Variants in APBA1 observed in about 807,000 individuals in gnomAD.
The protein encoded by APBA1 is amyloid-beta A4 precursor protein-binding family A member 1.
A neutral mutation model predicts 86.6 loss-of-function variants in APBA1; 55 were observed. That is an observed-to-expected ratio of 0.64 (90% CI 0.51 to 0.80). The LOEUF is 0.80. APBA1 is among the 30% of genes least tolerant of loss of function. The pLI is 0.00. For missense variants in APBA1, 1,090 were observed against 1,183.0 expected (o/e 0.92, Z 1.15); for synonymous variants, 511 against 493.9 (o/e 1.03, Z -0.46).
intron 1 of APBA1, among the ~76,000 whole-genome samples, chr9:69,662,044 ACAC>A (rs776722895): frequency 6.6e-6 from 1 of 151,878 alleles, no homozygotes; most frequent in Non-Finnish European, 1.5e-5. Flanking sequence ...ACACACACAC[ACAC>A]ACACACACAG....
intron 1 of APBA1, among the ~76,000 whole-genome samples, chr9:69,595,435 C>T (rs896804059): frequency 6.6e-6 from 1 of 152,150 alleles, no homozygotes; most frequent in Non-Finnish European, 1.5e-5. Flanking sequence ...CTGAGATTGT[C>T]TGGTGCCCCC....
At chr9:69,539,653 C>T (rs1836572577) in intron 1 of APBA1, among the ~76,000 whole-genome samples, 1 of 152,324 alleles carries the variant, frequency 6.6e-6, no homozygotes, top group South Asian at 2.1e-4. Context: ...GCACCTCTCA[C>T]CTCAGCGTCT....
intron 1 of APBA1, among the ~76,000 whole-genome samples, chr9:69,550,841 GAGCATC>G (rs1686379493): frequency 6.6e-6 from 1 of 152,044 alleles, no homozygotes; most frequent in Non-Finnish European, 1.5e-5. Flanking sequence ...GAGCAAAGAG[GAGCATC>G]ATACAGTCCT....
At chr9:69,587,099 G>T (rs1405834033) in intron 1 of APBA1, among the ~76,000 whole-genome samples, 1 of 152,024 alleles carries the variant, frequency 6.6e-6, no homozygotes, top group Admixed American at 6.6e-5. Context: ...TTTGCCACTG[G>T]CATCCATTCA....
At chr9:69,604,689 C>A (rs1419497170) in intron 1 of APBA1, among the ~76,000 whole-genome samples, 1 of 123,518 alleles carries the variant, frequency 8.1e-6, no homozygotes, top group African/African-American at 3.7e-5. Flanking sequence ...AGCATGGGCA[C>A]ACATGCACGC....
intron 1 of APBA1, among the ~76,000 whole-genome samples, chr9:69,547,872 G>A (rs1277485945): frequency 6.6e-6 from 1 of 152,182 alleles, no homozygotes; most frequent in Admixed American, 6.5e-5. Context: ...CAAGAGATGG[G>A]TTCAGTGGTG....
At position 69,476,129 on chromosome 9, in the gene APBA1, G is replaced by A; in HGVS notation, c.1215C>T (p.Gly405=). ...RPMDGDSPSP[G]SSSPLGAESS... is the part of the protein sequence containing the mutation. ...ACTCTGCACCCAAGGGGGAGGAGCT[G>A]CCAGGAGACGGAGACTAGAACACAG... The change falls in exon 3 of 13, where the codon GGC becomes GGT. Residue 405 remains glycine, a synonymous_variant. Transcript: ENST00000265381. The A allele has an allele frequency of 6.2e-7, 1 of 1,613,570 alleles. No homozygotes were observed. Among genetic ancestry groups the A allele is most frequent in the Admixed American group, 1.7e-5 (1 of 59,976 alleles).
chr9:69,490,738 G>T (rs916081343), intron 2 of APBA1, among the ~76,000 whole-genome samples: 4 of 151,932 alleles, frequency 2.6e-5, no homozygotes, highest in African/African-American at 2.4e-5. Context: ...AGTCTACAAA[G>T]AACTCAAACA....
intron 1 of APBA1, among the ~76,000 whole-genome samples, chr9:69,517,810 C>A (rs751649688): frequency 6.6e-6 from 1 of 152,174 alleles, no homozygotes; most frequent in Non-Finnish European, 1.5e-5. Flanking sequence ...TGACCTCAGG[C>A]AAGTGGCTTA....
intron 2 of APBA1, among the ~76,000 whole-genome samples, chr9:69,515,439 T>C (rs1435279792): frequency 6.6e-6 from 1 of 152,022 alleles, no homozygotes; most frequent in Non-Finnish European, 1.5e-5. Context: ...ACCCTATTCT[T>C]TCTACTTGGC....
At chr9:69,482,146 C>T (rs1304527552) in intron 2 of APBA1, among the ~76,000 whole-genome samples, 1 of 151,978 alleles carries the variant, frequency 6.6e-6, no homozygotes, top group Non-Finnish European at 1.5e-5. Flanking sequence ...TAAAGAGCTT[C>T]TGCACAGCAA....
At chr9:69,656,883 G>C (rs1823623187) in intron 1 of APBA1, among the ~76,000 whole-genome samples, 1 of 140,968 alleles carries the variant, frequency 7.1e-6, no homozygotes, top group African/African-American at 2.7e-5. Context: ...CTGTCGCCCA[G>C]GCCGGACTGC....
chr9:69,638,443 G>A (rs1823222596), intron 1 of APBA1, among the ~76,000 whole-genome samples: 1 of 152,132 alleles, frequency 6.6e-6, no homozygotes, highest in Non-Finnish European at 1.5e-5. Flanking sequence ...GTTTCACCAT[G>A]TTGGCCAGGC....
At chr9:69,462,578 G>A (rs1420734637) in intron 5 of APBA1, 5 of 152,354 alleles carry the variant, frequency 3.3e-5, no homozygotes, top group Admixed American at 2.6e-4. Flanking sequence ...GCTAGTTAAA[G>A]TGAATGAAAT....
chr9:69,437,052 T>C (rs939489646), intron 11 of APBA1, among the ~76,000 whole-genome samples: 2 of 152,144 alleles, frequency 1.3e-5, no homozygotes, highest in African/African-American at 4.8e-5. Context: ...TTTTTGTCTT[T>C]GGTTCTGTTT....
chr9:69,516,285 C>T lies in APBA1; in HGVS notation c.926G>A (p.Gly309Asp), dbSNP rs775422671. ...DLERPPTPAG[G>D]RPDSPGLQAP... is the part of the protein sequence containing the mutation. Reference sequence around the variant, plus strand: ...CTGCAGCCCGGGGCTGTCGGGGCGACCCCCGGCCGGGGTAGGGGGACGCTC... The same window carrying T: ...CTGCAGCCCGGGGCTGTCGGGGCGATCCCCGGCCGGGGTAGGGGGACGCTC... The change falls in exon 2 of 13, where the codon GGT becomes GAT. Residue 309 changes from glycine to aspartate, a missense_variant. Physicochemically the swap from Gly to Asp is moderately conservative, Grantham distance 94. Coordinates refer to ENST00000265381, the MANE Select transcript of APBA1 (RefSeq NM_001163.4). The surrounding 1 kb of genome is among the most constrained non-coding windows in gnomAD (Gnocchi z 7.3). The T allele has an allele frequency of 2.7e-6, 4 of 1,498,910 alleles. No homozygotes were observed. The highest frequency in any genetic ancestry group is 2.9e-5 in the African/African-American group (2 of 69,322). 92.9% of individuals were successfully genotyped at this position (1,498,910 alleles called of 1,614,324 possible).
At chr9:69,540,452 A>G (rs543912894) in intron 1 of APBA1, among the ~76,000 whole-genome samples, 1 of 152,244 alleles carries the variant, frequency 6.6e-6, no homozygotes, top group African/African-American at 2.4e-5. Context: ...GTGTAGGCAC[A>G]ATGTTGTATG....
At position 69,652,630 on chromosome 9, in the gene APBA1, A is replaced by G. The variant is rs529140303; in HGVS notation, c.-70+19523T>C. 3.7e-4 allele frequency among the ~76,000 whole-genome samples: 57 copies of G among 152,344 alleles called. 2 individuals carry two copies. The South Asian group carries it at 0.01, about 27-fold the overall frequency. Reference sequence around the variant, plus strand: ...AGTAGTAAATCCTTATCTGTCAATAATAACCTTGAATATAAATTAATTAAA... The same window carrying G: ...AGTAGTAAATCCTTATCTGTCAATAGTAACCTTGAATATAAATTAATTAAA... On this transcript the variant is annotated intron_variant, in intron 1 of 12. Transcript: ENST00000265381.
intron 10 of APBA1, among the ~76,000 whole-genome samples, chr9:69,444,007 C>G (rs568400507): frequency 6.6e-5 from 10 of 152,104 alleles, no homozygotes; most frequent in Non-Finnish European, 1.2e-4. Context: ...CCCTGGCTTC[C>G]CCACTGACTT....
Sources: gnomAD v4.1 joint callset for allele counts (sites outside exome capture counted in the v4.1 genomes callset) on GRCh38, gnomAD v4.1.1 for gene constraint, Gnocchi (gnomAD v3.1) non-coding constraint, MANE v1.5 for transcripts, NCBI Gene and HGNC (gene_info 2026-07-23, HGNC 2026-07-21) for gene names.